Variants in TRAPPC5 observed in about 807,000 individuals in gnomAD.
The protein encoded by TRAPPC5 is trafficking protein particle complex 5.
A neutral mutation model predicts 9.8 loss-of-function variants in TRAPPC5; 5 were observed. The observed-to-expected ratio is 0.51, with a 90% confidence interval of 0.27 to 1.07. The LOEUF (loss-of-function observed/expected upper bound fraction) is 1.07. TRAPPC5 is among the 50% of genes least tolerant of loss of function. The pLI is 0.12. For missense variants in TRAPPC5, 243 were observed against 291.5 expected, an observed-to-expected ratio of 0.83 and a Z score of 1.21; for synonymous variants, 146 against 140.7, an observed-to-expected ratio of 1.04 and a Z score of -0.26.
Position 7,682,291 on chromosome 19 carries a change from T to C in TRAPPC5, c.38T>C (p.Leu13Pro), listed in dbSNP as rs1472129357. Reference protein sequence around the residue: ...ARFTRGKSALLERALARPRTE... With the variant: ...ARFTRGKSALPERALARPRTE... ...TTCACGCGCGGGAAGTCGGCGCTGC[T>C]GGAGCGCGCGCTGGCGCGGCCGCGC... The change falls in exon 2 of 2, where the codon CTG (leucine) becomes CCG (proline). Residue 13 changes from leucine (L) to proline (P), a missense_variant. Leu to Pro is a moderately conservative substitution (Grantham distance 98). Around this residue, in one of 2 missense-constraint regions of TRAPPC5, gnomAD observed 89 missense variants for 75.7 expected, o/e 1.18. Transcript: ENST00000596148. This position sits in a 1 kb window ranked among gnomAD's most constrained non-coding sequence, Gnocchi z 8.6. 2.8e-6 allele frequency: 4 copies of C among 1,454,148 alleles called. No homozygotes were observed. Among genetic ancestry groups the C allele is most frequent in the Non-Finnish European group, 3.6e-6 (4 of 1,112,316 alleles). 90.1% of individuals were successfully genotyped at this position (1,454,148 alleles called of 1,614,324 possible).
rs375538608 is a variant in TRAPPC5, at chr19:7,682,484, G to A, written c.231G>A (p.Arg77=). ...TGGTGGCGCGCGAAAAGGGTGCCCG[G>A]CGTGAGACCAAGGTGCTAGGCGCGT... The part of the protein sequence containing the change: ...DALVAREKGA[R]RETKVLGALL... The change falls in exon 2 of 2, where the codon CGG becomes CGA. Residue 77 remains arginine, a synonymous_variant. Coordinates refer to ENST00000596148, the MANE Select transcript of TRAPPC5 (RefSeq NM_001042462.2). This position sits in a 1 kb window ranked among gnomAD's most constrained non-coding sequence, Gnocchi z 8.6. 3 of 1,611,758 alleles carry A rather than the reference G, an allele frequency of 1.9e-6. No individual in the cohort carries two copies. The African/African-American group carries it at 4.0e-5, about 22-fold the overall frequency.
In TRAPPC5 at chr19:7,681,583, T is replaced by C. The variant is rs1407933468; in HGVS notation, c.-12-659T>C. ...ACATCGGAGCTGCCTGCCTGAGGGC[T>C]TGGGGTTGGGGGTTACCCGCCCCTC... On this transcript the variant is annotated intron_variant, in intron 1 of 1. Transcript: ENST00000596148. The surrounding 1 kb of genome is among the most constrained non-coding windows in gnomAD (Gnocchi z 8.7). 6.6e-6 allele frequency among the ~76,000 whole-genome samples: 1 copy of C among 152,098 alleles called. No homozygotes were observed. The highest frequency in any genetic ancestry group is 1.5e-5 in the Non-Finnish European group (1 of 68,014).
At position 7,682,427 on chromosome 19, in the gene TRAPPC5, C is replaced by T. The variant is rs764737495; in HGVS notation, c.174C>T (p.Gly58=). The change falls in exon 2 of 2, where the codon GGC becomes GGT. Residue 58 remains glycine (G), a synonymous_variant. Transcript: ENST00000596148. The surrounding 1 kb of genome is among the most constrained non-coding windows in gnomAD (Gnocchi z 8.6). ...AELQSRLAAL[G]RQVGARVLDA... ...TGCAGTCGCGCCTGGCCGCGCTGGG[C>T]CGCCAGGTGGGCGCGCGCGTGCTGG... 6.3e-7 allele frequency: 1 copy of T among 1,598,162 alleles called. No individual in the cohort carries two copies. Among genetic ancestry groups the T allele is most frequent in the South Asian group, 1.1e-5 (1 of 89,436 alleles).
rs576571414 is a variant in TRAPPC5, at chr19:7,682,998, G to A, written c.*178G>A. The A allele has an allele frequency of 5.2e-5, 35 of 666,870 alleles. No individual in the cohort carries two copies. The African/African-American group carries it at 5.6e-4, about 11-fold the overall frequency. The allele number at this position is 666,870 out of a possible 1,614,324, so 41.3% of individuals were successfully genotyped here. A position where few individuals can be genotyped will look rare whatever the true frequency, so the allele number is the denominator to read the frequency against. On this transcript the variant is annotated 3_prime_UTR_variant, in exon 2 of 2. Coordinates refer to ENST00000596148, the MANE Select transcript of TRAPPC5 (RefSeq NM_001042462.2). This position sits in a 1 kb window ranked among gnomAD's most constrained non-coding sequence, Gnocchi z 8.6. Reference sequence around the variant, plus strand: ...GCGGGTCTGGCCATAGGGTTGGGGGGTTGAGTGAGACCAGGAGTGGTGGGG... The same window carrying A: ...GCGGGTCTGGCCATAGGGTTGGGGGATTGAGTGAGACCAGGAGTGGTGGGG...
Position 7,684,198 on chromosome 19 carries a change from C to A in TRAPPC5, c.*1378C>A, listed in dbSNP as rs2032689330. The A allele has an allele frequency of 6.6e-6, 1 of 152,112 alleles. No individual in the cohort carries two copies. 9.4% of individuals were successfully genotyped at this position (152,112 alleles called of 1,614,324 possible). Reference sequence around the variant, plus strand: ...ATCTGAGGGTGCATTTTAGCGAGGCCCCCAGGGGATTCCTGGGGACCTTAG... The same window carrying A: ...ATCTGAGGGTGCATTTTAGCGAGGCACCCAGGGGATTCCTGGGGACCTTAG... On this transcript the variant is annotated 3_prime_UTR_variant, in exon 2 of 2. Transcript: ENST00000596148.
In TRAPPC5 at chr19:7,682,848, G is replaced by A. The variant is rs966436387; in HGVS notation, c.*28G>A. 4.5e-6 allele frequency: 7 copies of A among 1,541,244 alleles called. No homozygotes were observed. Among genetic ancestry groups the A allele is most frequent in the East Asian group, 4.8e-5 (2 of 41,484 alleles). ...CTGCCGGAGATAAAGGATACAGAGA[G>A]CCCCTCCCCACGTGTGTCTTGTGTC... On this transcript the variant is annotated 3_prime_UTR_variant, in exon 2 of 2. Transcript: ENST00000596148. The surrounding 1 kb of genome is among the most constrained non-coding windows in gnomAD (Gnocchi z 8.6).
In TRAPPC5 at chr19:7,685,526, G is replaced by A. The variant is rs1044592579; in HGVS notation, c.*2706G>A. On this transcript the variant is annotated 3_prime_UTR_variant, in exon 2 of 2. Coordinates refer to ENST00000596148, the MANE Select transcript of TRAPPC5 (RefSeq NM_001042462.2). ...CACTGGTTATGAGAAGGGCCAAAGG[G>A]GTCGGTGTCACCTCTAGATTTGTTT... 6 of 152,348 alleles carry A rather than the reference G, an allele frequency of 3.9e-5. No homozygotes were observed. Among genetic ancestry groups the A allele is most frequent in the African/African-American group, 1.2e-4 (5 of 41,446 alleles). The allele number at this position is 152,348 out of a possible 1,614,324, so 9.4% of individuals were successfully genotyped here.
In TRAPPC5 at chr19:7,682,548, G is replaced by A. The variant is rs539921515; in HGVS notation, c.295G>A (p.Gly99Ser). The change falls in exon 2 of 2, where the codon GGC becomes AGC. Residue 99 changes from glycine (G) to serine (S), a missense_variant. Gly to Ser is a moderately conservative substitution (Grantham distance 56, BLOSUM62 0). This residue lies in a region of TRAPPC5 where 154 missense variants were observed against 215.8 expected (regional missense o/e 0.71). Transcript: ENST00000596148. The surrounding 1 kb of genome is among the most constrained non-coding windows in gnomAD (Gnocchi z 8.6). ...GGGCGCCGTGTGGAAGGCGCTCTTC[G>A]GCAAGGAGGCGGACAAGCTGGAGCA... ...VKGAVWKALF[G>S]KEADKLEQAN... The A allele has an allele frequency of 9.3e-6, 15 of 1,612,788 alleles. No individual in the cohort carries two copies. The highest frequency in any genetic ancestry group is 1.2e-5 in the Non-Finnish European group (14 of 1,179,962).
chr19:7,682,353 T>G lies in TRAPPC5; in HGVS notation c.100T>G (p.Ser34Ala), dbSNP rs1483116732. The change falls in exon 2 of 2, where the codon TCC (serine) becomes GCC (alanine). Residue 34 changes from serine to alanine, a missense_variant. Coordinates refer to ENST00000596148, the MANE Select transcript of TRAPPC5 (RefSeq NM_001042462.2). This position sits in a 1 kb window ranked among gnomAD's most constrained non-coding sequence, Gnocchi z 8.6. Reference sequence around the variant, plus strand: ...CCTGAGCGCCTTCGCACTGCTGTTCTCCGAGCTGGTACAGCACTGCCAGAG... The same window carrying G: ...CCTGAGCGCCTTCGCACTGCTGTTCGCCGAGCTGGTACAGCACTGCCAGAG... ...VSLSAFALLF[S>A]ELVQHCQSRV... 6.4e-7 allele frequency: 1 copy of G among 1,562,704 alleles called. No individual in the cohort carries two copies. Among genetic ancestry groups the G allele is most frequent in the Admixed American group, 1.9e-5 (1 of 52,024 alleles).
In TRAPPC5 at chr19:7,687,063, C is replaced by T. The variant is rs993211560; in HGVS notation, c.*4243C>T. The T allele has an allele frequency of 2.6e-5, 4 of 152,304 alleles. No individual in the cohort carries two copies. The highest frequency in any genetic ancestry group is 2.6e-4 in the Admixed American group (4 of 15,248). The allele number at this position is 152,304 out of a possible 1,614,324, so 9.4% of individuals were successfully genotyped here. On this transcript the variant is annotated 3_prime_UTR_variant, in exon 2 of 2. Transcript: ENST00000596148. ...AAGCGCTGGGATGACAGGCATGAGC[C>T]ACTGTGCGCAGCTGGCTTTGGCCTT...
rs1384921924 is a variant in TRAPPC5, at chr19:7,686,403, AGAG to A, written c.*3596_*3598del. On this transcript the variant is annotated 3_prime_UTR_variant, in exon 2 of 2. Transcript: ENST00000596148. ...CCCTCCAGGTGGGTGGGTGAGAGGA[AGAG>A]GAGGAGGAGGAGCCAGGCACCAGCC... 4 of 152,574 alleles carry A rather than the reference AGAG, an allele frequency of 2.6e-5. No individual in the cohort carries two copies. Among genetic ancestry groups the A allele is most frequent in the African/African-American group, 4.8e-5 (2 of 41,412 alleles). 9.5% of individuals were successfully genotyped at this position (152,574 alleles called of 1,614,324 possible). A position where few individuals can be genotyped will look rare whatever the true frequency, so the allele number is the denominator to read the frequency against.
At position 7,683,239 on chromosome 19, in the gene TRAPPC5, G is replaced by C. The variant is rs2032674374; in HGVS notation, c.*419G>C. 5.9e-6 allele frequency: 1 copy of C among 168,790 alleles called. No homozygotes were observed. 10.5% of individuals were successfully genotyped at this position (168,790 alleles called of 1,614,324 possible). A position where few individuals can be genotyped will look rare whatever the true frequency, so the allele number is the denominator to read the frequency against. On this transcript the variant is annotated 3_prime_UTR_variant, in exon 2 of 2. Transcript: ENST00000596148. ...TTTATTATTATTTTTTTTATTTGTT[G>C]AGATAGAGTCTTGCTCTGTCGCCCA...
rs1353193278 is a variant in TRAPPC5 at position 7,682,827 on chromosome 19, C to T, written c.*7C>T. On this transcript the variant is annotated 3_prime_UTR_variant, in exon 2 of 2. Transcript: ENST00000596148. This position sits in a 1 kb window ranked among gnomAD's most constrained non-coding sequence, Gnocchi z 8.6. ...GGCCCTGGAGGGCCGCTGACCCTGC[C>T]GGAGATAAAGGATACAGAGAGCCCC... is the stretch of plus-strand genomic sequence containing the variant. 2 of 1,576,146 alleles carry T rather than the reference C, an allele frequency of 1.3e-6. No individual in the cohort carries two copies. The highest frequency in any genetic ancestry group is 8.6e-7 in the Non-Finnish European group (1 of 1,158,508).
Position 7,683,721 on chromosome 19 carries a change from C to T in TRAPPC5, c.*901C>T, listed in dbSNP as rs1244949009. 6.6e-6 allele frequency: 1 copy of T among 152,104 alleles called. No individual in the cohort carries two copies. The highest frequency in any genetic ancestry group is 1.5e-5 in the Non-Finnish European group (1 of 68,044). The allele number at this position is 152,104 out of a possible 1,614,324, so 9.4% of individuals were successfully genotyped here. On this transcript the variant is annotated 3_prime_UTR_variant, in exon 2 of 2. Coordinates refer to ENST00000596148, the MANE Select transcript of TRAPPC5 (RefSeq NM_001042462.2). ...CAGTGGCAGCATCTCGGCTTCGGCT[C>T]ACTGCAAGCTCCGCCTCCCGGGTTC...
At position 7,685,297 on chromosome 19, in the gene TRAPPC5, A is replaced by G. The variant is rs2032704177; in HGVS notation, c.*2477A>G. ...AAAAAGAAAAAAAAAGTAATGTATT[A>G]CACCTCAGGCAATTTTCCTTTCCCT... is the stretch of plus-strand genomic sequence containing the variant. On this transcript the variant is annotated 3_prime_UTR_variant, in exon 2 of 2. Transcript: ENST00000596148. 1 of 152,088 alleles carries G rather than the reference A, an allele frequency of 6.6e-6. No homozygotes were observed. Among genetic ancestry groups the G allele is most frequent in the South Asian group, 2.1e-4 (1 of 4,826 alleles). The allele number at this position is 152,088 out of a possible 1,614,324, so 9.4% of individuals were successfully genotyped here. A position where few individuals can be genotyped will look rare whatever the true frequency, so the allele number is the denominator to read the frequency against.
rs537835837 is a variant in TRAPPC5, at chr19:7,682,465, C to A, written c.212C>A (p.Ala71Glu). The change falls in exon 2 of 2, where the codon GCG (alanine) becomes GAG (glutamate). Residue 71 changes from alanine to glutamate, a missense_variant. Ala to Glu is a moderately radical substitution (Grantham distance 107). Transcript: ENST00000596148. This position sits in a 1 kb window ranked among gnomAD's most constrained non-coding sequence, Gnocchi z 8.6. Reference sequence around the variant, plus strand: ...GCGCGCGTGCTGGATGCGCTGGTGGCGCGCGAAAAGGGTGCCCGGCGTGAG... The same window carrying A: ...GCGCGCGTGCTGGATGCGCTGGTGGAGCGCGAAAAGGGTGCCCGGCGTGAG... Reference protein sequence around the residue: ...VGARVLDALVAREKGARRETK... With the variant: ...VGARVLDALVEREKGARRETK... 6.2e-7 allele frequency: 1 copy of A among 1,609,234 alleles called. No individual in the cohort carries two copies. Among genetic ancestry groups the A allele is most frequent in the Non-Finnish European group, 8.5e-7 (1 of 1,178,030 alleles).
rs1200760766 is a variant in TRAPPC5 at position 7,683,050 on chromosome 19, G to A, written c.*230G>A. 4.1e-5 allele frequency: 23 copies of A among 562,774 alleles called. No homozygotes were observed. The highest frequency in any genetic ancestry group is 6.9e-5 in the Non-Finnish European group (22 of 318,476). 34.9% of individuals were successfully genotyped at this position (562,774 alleles called of 1,614,324 possible). On this transcript the variant is annotated 3_prime_UTR_variant, in exon 2 of 2. Transcript: ENST00000596148. ...GAAATAAACCCGGCAAAAGGAGTTG[G>A]TGGGAAATGCTGGCAGGTTCTGGAA...
In TRAPPC5 at chr19:7,682,133, G is replaced by A. The variant is rs2032646651; in HGVS notation, c.-12-109G>A. 3 of 883,468 alleles carry A rather than the reference G, an allele frequency of 3.4e-6. No individual in the cohort carries two copies. The highest frequency in any genetic ancestry group is 4.8e-6 in the Non-Finnish European group (3 of 629,310). 54.7% of individuals were successfully genotyped at this position (883,468 alleles called of 1,614,324 possible). A position where few individuals can be genotyped will look rare whatever the true frequency, so the allele number is the denominator to read the frequency against. On this transcript the variant is annotated intron_variant, in intron 1 of 1. Transcript: ENST00000596148. This position sits in a 1 kb window ranked among gnomAD's most constrained non-coding sequence, Gnocchi z 8.6. ...AGTCGGCACTGGAGCACACAACAGT[G>A]GCATGGGTCGAGGGTGTCCCAGGGC...
chr19:7,685,801 C>G lies in TRAPPC5; in HGVS notation c.*2981C>G, dbSNP rs2032709629. The stretch of plus-strand genomic sequence containing the variant: ...GCTTGGGCAGGATGATAGCCTGAAT[C>G]TGGAATGAGGGGGAGGCGTCTAGGG... On this transcript the variant is annotated 3_prime_UTR_variant, in exon 2 of 2. Transcript: ENST00000596148. 1 of 152,520 alleles carries G rather than the reference C, an allele frequency of 6.6e-6. No homozygotes were observed. Among genetic ancestry groups the G allele is most frequent in the African/African-American group, 2.4e-5 (1 of 41,362 alleles). 9.4% of individuals were successfully genotyped at this position (152,520 alleles called of 1,614,324 possible).
Sources: gnomAD v4.1 joint callset for allele counts (sites outside exome capture counted in the v4.1 genomes callset) on GRCh38, gnomAD v4.1.1 for gene constraint, gnomAD v4.1.1 regional missense constraint, Gnocchi (gnomAD v3.1) non-coding constraint, MANE v1.5 for transcripts, NCBI Gene and HGNC (gene_info 2026-07-23, HGNC 2026-07-21) for gene names.